Variants in RBMS3 observed in about 807,000 individuals in gnomAD.
RBMS3 encodes RNA-binding motif, single-stranded-interacting protein 3.
In RBMS3, 27 loss-of-function variants were observed where a neutral mutation model predicts 66.8. That is an observed-to-expected ratio of 0.40 (90% CI 0.30 to 0.56). The LOEUF is 0.56. Ranked by LOEUF, RBMS3 falls within the 20% of genes least tolerant of loss-of-function variation. RBMS3 has a pLI of 0.40. For synonymous variants in RBMS3, 188 were observed against 183.0 expected (o/e 1.03, Z -0.22); for missense variants, 513 against 549.5 (o/e 0.93, Z 0.66).
At chr3:29,995,989 C>T (rs1699203007) in intron 14 of RBMS3, among the ~76,000 whole-genome samples, 2 of 152,158 alleles carry the variant, frequency 1.3e-5, no homozygotes. Context: ...GATCAAGAGT[C>T]AAGACCCATC....
At chr3:29,922,363 T>C (rs988407305) in intron 10 of RBMS3, among the ~76,000 whole-genome samples, 4 of 151,344 alleles carry the variant, frequency 2.6e-5, no homozygotes, top group Non-Finnish European at 4.4e-5. Flanking sequence ...GGCGGGCGCC[T>C]GTAGTCCCAG....
chr3:29,321,338 AACAAAT>A (rs2034998089), intron 1 of RBMS3, among the ~76,000 whole-genome samples: 2 of 152,132 alleles, frequency 1.3e-5, no homozygotes, highest in African/African-American at 2.4e-5. Flanking sequence ...TTTTCCATTT[AACAAAT>A]GTTGTGCTCT....
intron 12 of RBMS3, among the ~76,000 whole-genome samples, chr3:29,947,688 A>G (rs1695413049): frequency 6.6e-6 from 1 of 151,464 alleles, no homozygotes; most frequent in African/African-American, 2.4e-5. Flanking sequence ...ACTCCTTTAA[A>G]AATCCTCCTC....
chr3:29,925,419 CAT>C (rs1179647632), intron 10 of RBMS3, among the ~76,000 whole-genome samples: 7 of 151,942 alleles, frequency 4.6e-5, no homozygotes, highest in African/African-American at 1.5e-4. Flanking sequence ...GAAAATATGT[CAT>C]AGGAAAAGAA....
intron 4 of RBMS3, among the ~76,000 whole-genome samples, chr3:29,592,631 C>G (rs2149102536): frequency 6.6e-6 from 1 of 152,206 alleles, no homozygotes; most frequent in South Asian, 2.1e-4. Context: ...ATAGAAATAC[C>G]ATTTGACCCA....
At chr3:29,870,220 A>G (rs2059457087) in intron 7 of RBMS3, among the ~76,000 whole-genome samples, 1 of 152,166 alleles carries the variant, frequency 6.6e-6, no homozygotes, top group Non-Finnish European at 1.5e-5. Context: ...TGTTTTTAGC[A>G]TGGAGTCCAG....
At chr3:29,731,705 C>G (rs1005660878) in intron 4 of RBMS3, among the ~76,000 whole-genome samples, 1 of 152,148 alleles carries the variant, frequency 6.6e-6, no homozygotes, top group African/African-American at 2.4e-5. Flanking sequence ...AAGTTCAGAG[C>G]TGATCGTATG....
rs553187370 is a variant in RBMS3, at chr3:29,314,009, C to T, written c.75+32253C>T. 8.5e-4 allele frequency among the ~76,000 whole-genome samples: 129 copies of T among 151,742 alleles called. No homozygotes were observed. In the South Asian group the frequency reaches 0.026, roughly 30 times the overall value. The stretch of plus-strand genomic sequence containing the variant: ...GCTTATCATCTTCTGGTTGCTTGGG[C>T]ATTGGCAAATTTTCTTTCTTGGCTT... On this transcript the variant is annotated intron_variant, in intron 1 of 14. Transcript: ENST00000383767.
At chr3:29,497,240 ACAT>A (rs1470819713) in intron 3 of RBMS3, among the ~76,000 whole-genome samples, 1 of 152,054 alleles carries the variant, frequency 6.6e-6, no homozygotes, top group Non-Finnish European at 1.5e-5. Context: ...TGATGTCCTG[ACAT>A]CATGATCCGC....
intron 1 of RBMS3, among the ~76,000 whole-genome samples, chr3:29,348,687 CA>C (rs2036728562): frequency 6.6e-6 from 1 of 151,970 alleles, no homozygotes; most frequent in Non-Finnish European, 1.5e-5. Context: ...TAGCAATTGG[CA>C]AAAACCAAAA....
intron 4 of RBMS3, among the ~76,000 whole-genome samples, chr3:29,712,998 T>C (rs1358272925): frequency 2.0e-5 from 3 of 152,176 alleles, no homozygotes; most frequent in Non-Finnish European, 4.4e-5. Flanking sequence ...ATATCTCTTA[T>C]TGGTTCTGGT....
At chr3:29,473,877 G>T (rs1217839517) in intron 2 of RBMS3, among the ~76,000 whole-genome samples, 1 of 152,228 alleles carries the variant, frequency 6.6e-6, no homozygotes, top group Non-Finnish European at 1.5e-5. Flanking sequence ...TCCCGCTCGC[G>T]CCTCTCCCTC....
At chr3:29,557,114 C>T (rs7646981) in intron 3 of RBMS3, among the ~76,000 whole-genome samples, 24,716 of 152,108 alleles carry the variant, frequency 0.16, 2,698 homozygotes, top group African/African-American at 0.31. Context: ...ATAATTTGTT[C>T]CAGGGTATGC....
intron 1 of RBMS3, among the ~76,000 whole-genome samples, chr3:29,300,084 C>T (rs2033569255): frequency 6.6e-6 from 1 of 151,826 alleles, no homozygotes; most frequent in African/African-American, 2.4e-5. Context: ...CACTAATAAT[C>T]AAAGAAATAA....
At chr3:29,579,864 T>C (rs1466887511) in intron 3 of RBMS3, among the ~76,000 whole-genome samples, 2 of 152,212 alleles carry the variant, frequency 1.3e-5, no homozygotes, top group Non-Finnish European at 2.9e-5. Context: ...TCAGTAAGTT[T>C]CTTTAATCTC....
intron 2 of RBMS3, among the ~76,000 whole-genome samples, chr3:29,474,496 C>A (rs1223774963): frequency 6.6e-6 from 1 of 152,170 alleles, no homozygotes; most frequent in Non-Finnish European, 1.5e-5. Flanking sequence ...TCAAGTTTAA[C>A]TTTTCTTTTA....
At chr3:29,488,044 A>T (rs1217284728) in intron 2 of RBMS3, among the ~76,000 whole-genome samples, 1 of 152,216 alleles carries the variant, frequency 6.6e-6, no homozygotes, top group Non-Finnish European at 1.5e-5. Context: ...GTCTTAGTGA[A>T]GTTGGGTTAA....
chr3:29,999,814 T>C (rs1048432770), intron 14 of RBMS3, among the ~76,000 whole-genome samples: 17 of 151,872 alleles, frequency 1.1e-4, no homozygotes, highest in Non-Finnish European at 2.4e-4. Context: ...TGCTAAATGA[T>C]GAGTTAATGG....
chr3:29,443,770 A>G (rs1422188242), intron 2 of RBMS3, among the ~76,000 whole-genome samples: 1 of 152,166 alleles, frequency 6.6e-6, no homozygotes, highest in African/African-American at 2.4e-5. Context: ...TCACAATGGT[A>G]GAGGAGGTTA....
Sources: allele counts gnomAD v4.1 joint callset (sites outside exome capture counted in the v4.1 genomes callset), GRCh38; gene constraint gnomAD v4.1.1; transcripts MANE v1.5; gene names NCBI Gene and HGNC (gene_info 2026-07-23, HGNC 2026-07-21).